The following WDFY1 variants were observed in gnomAD, a reference collection of about 807,000 sequenced individuals.
The protein encoded by WDFY1 is WD repeat and FYVE domain-containing protein 1.
Under a neutral mutation model 56.4 loss-of-function variants are expected in WDFY1, and 32 were observed. That is an observed-to-expected ratio of 0.57 (90% CI 0.43 to 0.76). WDFY1 has a LOEUF of 0.76. WDFY1 is among the 30% of genes least tolerant of loss of function. WDFY1 has a pLI of 0.00. For missense variants in WDFY1, 480 were observed against 545.7 expected (o/e 0.88, Z 1.20); for synonymous variants, 192 against 197.3 (o/e 0.97, Z 0.23).
chr2:223,884,489 G>C (rs926872719), intron 9 of WDFY1, among the ~76,000 whole-genome samples, 159 bp downstream of exon 9: 4 of 152,114 alleles, frequency 2.6e-5, no homozygotes, highest in African/African-American at 9.7e-5. Flanking sequence ...CCTGGGAAAG[G>C]TCTTCCTCAT....
intron 6 of WDFY1, among the ~76,000 whole-genome samples, chr2:223,896,623 A>G (rs1693385697): frequency 6.6e-6 from 1 of 152,214 alleles, no homozygotes; most frequent in South Asian, 2.1e-4. Flanking sequence ...TAGAAGAAAC[A>G]TTAATCAACT....
At chr2:223,882,217 C>G in intron 9 of WDFY1, 145 bp from the exon 10 acceptor site, 2 of 1,090,516 alleles carry the variant, frequency 1.8e-6, no homozygotes, top group Non-Finnish European at 2.5e-6. Context: ...CGGGTTCTAC[C>G]AATTCTCCTG....
chr2:223,905,388 G>T (rs1693579806), intron 4 of WDFY1, among the ~76,000 whole-genome samples: 1 of 152,176 alleles, frequency 6.6e-6, no homozygotes, highest in Admixed American at 6.5e-5. Context: ...AGGTGTGGTG[G>T]TTCACACCTG....
At position 223,878,006 on chromosome 2, in the gene WDFY1, TA is replaced by T. The variant is rs1185776102; in HGVS notation, c.*664del. The T allele has an allele frequency of 6.6e-6, 1 of 152,634 alleles. No individual in the cohort carries two copies. The highest frequency in any genetic ancestry group is 2.4e-5 in the African/African-American group (1 of 41,452). 9.5% of individuals were successfully genotyped at this position (152,634 alleles called of 1,614,324 possible). On this transcript the variant is annotated 3_prime_UTR_variant, in exon 12 of 12. Transcript: ENST00000233055. ...TTGTTATTACAGAAATTTCACAACT[TA>T]CTTAATGACAACCCCGAAAGTTCAC... is the stretch of plus-strand genomic sequence containing the variant.
chr2:223,899,533 T>C (rs981220757), intron 5 of WDFY1, among the ~76,000 whole-genome samples: 1 of 152,082 alleles, frequency 6.6e-6, no homozygotes, highest in African/African-American at 2.4e-5. Context: ...TCACTTGAGG[T>C]CAGGAGTTCA....
At chr2:223,888,901 CTTTTT>C (rs71058955) in intron 8 of WDFY1, among the ~76,000 whole-genome samples, 5 of 61,438 alleles carry the variant, frequency 8.1e-5, no homozygotes, top group African/African-American at 2.0e-4. Flanking sequence ...ATTCTCAACT[CTTTTT>C]TTTTTTTTTT....
chr2:223,906,378 C>G (rs903539307), intron 3 of WDFY1, among the ~76,000 whole-genome samples: 3 of 152,140 alleles, frequency 2.0e-5, no homozygotes, highest in East Asian at 1.9e-4. Context: ...CCCTCACTAA[C>G]AGAGCTCTCA....
At chr2:223,940,548 T>C (rs1298923217) in intron 1 of WDFY1, among the ~76,000 whole-genome samples, 2 of 152,172 alleles carry the variant, frequency 1.3e-5, no homozygotes, top group Non-Finnish European at 2.9e-5. Context: ...TATTGTTATT[T>C]CTAAATTACA....
chr2:223,931,672 TAA>T lies in WDFY1; in HGVS notation c.137+13474_137+13475del, dbSNP rs546393344. On this transcript the variant is annotated intron_variant, in intron 1 of 11. Coordinates refer to ENST00000233055, the MANE Select transcript of WDFY1 (RefSeq NM_020830.5). ...CCAGGAGGCATCTTGCAGGAGTCATTAATATTTTTCTTTCTTTTTTTTTTTTT... is the reference window on the plus strand; with the variant it reads ...CCAGGAGGCATCTTGCAGGAGTCATTTATTTTTCTTTCTTTTTTTTTTTTT... Among the ~76,000 whole-genome samples, 410 of 141,848 alleles carry T rather than the reference TAA, an allele frequency of 2.9e-3. 3 individuals carry two copies. The highest frequency in any genetic ancestry group is 0.01 in the African/African-American group (402 of 38,520). 93.1% of individuals were successfully genotyped at this position (141,848 alleles called of 152,430 possible). A position where few individuals can be genotyped will look rare whatever the true frequency, so the allele number is the denominator to read the frequency against.
At chr2:223,898,748 C>A (rs965728920) in intron 6 of WDFY1, among the ~76,000 whole-genome samples, 1 of 152,150 alleles carries the variant, frequency 6.6e-6, no homozygotes, top group African/African-American at 2.4e-5. Context: ...GTATTATCCA[C>A]ACAAGCAATT....
chr2:223,912,439 G>A, intron 2 of WDFY1, 113 bp from the exon 3 acceptor site: 1 of 728,356 alleles, frequency 1.4e-6, no homozygotes, highest in East Asian at 3.2e-5. Context: ...CACAGAAAGA[G>A]GGTAAAAACG....
intron 8 of WDFY1, among the ~76,000 whole-genome samples, chr2:223,892,133 C>A (rs922791091): frequency 1.3e-5 from 2 of 152,060 alleles, no homozygotes; most frequent in Non-Finnish European, 2.9e-5. Flanking sequence ...TGCCACCATG[C>A]CTGGCTAATT....
chr2:223,912,857 A>C (rs1693727905), intron 2 of WDFY1, among the ~76,000 whole-genome samples: 1 of 152,224 alleles, frequency 6.6e-6, no homozygotes, highest in East Asian at 1.9e-4. Context: ...ACCCTCTTCC[A>C]GAAATCACAG....
At chr2:223,879,858 C>T (rs1304047854) in intron 11 of WDFY1, among the ~76,000 whole-genome samples, 1 of 152,078 alleles carries the variant, frequency 6.6e-6, no homozygotes, top group Non-Finnish European at 1.5e-5. Flanking sequence ...CAAGGGAGAA[C>T]CCAGAGGTCA....
chr2:223,934,135 CT>C (rs1694129344), intron 1 of WDFY1, among the ~76,000 whole-genome samples: 1 of 146,524 alleles, frequency 6.8e-6, no homozygotes, highest in African/African-American at 2.6e-5. Flanking sequence ...GTCACCCAGG[CT>C]GGAGTAAAGT....
chr2:223,930,814 C>A lies in WDFY1; in HGVS notation c.138-12804G>T, dbSNP rs572754715. Among the ~76,000 whole-genome samples, 8 of 152,304 alleles carry A rather than the reference C, an allele frequency of 5.3e-5. 3 individuals carry two copies. In the Middle Eastern group the frequency reaches 0.027, roughly 518 times the overall value. ...ATGGGAGAGAGCTCAACTGTCCTAGCTGAAGCCATCCTCGGCCCGCCTGTA... is the reference window on the plus strand; with the variant it reads ...ATGGGAGAGAGCTCAACTGTCCTAGATGAAGCCATCCTCGGCCCGCCTGTA... On this transcript the variant is annotated intron_variant, in intron 1 of 11. Transcript: ENST00000233055.
chr2:223,938,684 T>C (rs965799775), intron 1 of WDFY1, among the ~76,000 whole-genome samples: 3 of 152,164 alleles, frequency 2.0e-5, no homozygotes, highest in East Asian at 1.9e-4. Context: ...CCAGGTGTAA[T>C]GGCATTAAGC....
At chr2:223,893,906 G>GGT (rs1693318798) in intron 8 of WDFY1, among the ~76,000 whole-genome samples, 1 of 152,212 alleles carries the variant, frequency 6.6e-6, no homozygotes, top group Admixed American at 6.5e-5. Flanking sequence ...CCACAATGGT[G>GGT]CTTCGGAGGA....
At chr2:223,933,608 C>A (rs1267275856) in intron 1 of WDFY1, among the ~76,000 whole-genome samples, 1 of 151,794 alleles carries the variant, frequency 6.6e-6, no homozygotes, top group Non-Finnish European at 1.5e-5. Context: ...ATCACTTGAG[C>A]CTAGGGGCTT....
Sources: allele counts gnomAD v4.1 joint callset (sites outside exome capture counted in the v4.1 genomes callset), GRCh38; gene constraint gnomAD v4.1.1; transcripts MANE v1.5; gene names NCBI Gene and HGNC (gene_info 2026-07-23, HGNC 2026-07-21).